ZBTB20: variants seen among roughly 807,000 people sequenced by gnomAD.
The protein encoded by ZBTB20 is zinc finger and BTB domain containing 20, also known as zinc finger and BTB domain-containing protein 20.
Under a neutral mutation model 56.9 loss-of-function variants are expected in ZBTB20, and 9 were observed. The ratio of observed to expected loss-of-function variants is 0.16; its 90% CI spans 0.10 to 0.28. ZBTB20 has a LOEUF of 0.28. Among genes scored for constraint, ZBTB20 ranks in the 10% least tolerant of loss-of-function variants. ZBTB20 has a pLI of 1.00. For synonymous variants in ZBTB20, 417 were observed against 420.7 expected, an observed-to-expected ratio of 0.99 and a Z score of 0.11; for missense variants, 655 against 1,003.0, an observed-to-expected ratio of 0.65 and a Z score of 4.69.
chr3:114,446,529 C>G (rs965935886), intron 7 of ZBTB20, among the ~76,000 whole-genome samples: 27 of 152,278 alleles, frequency 1.8e-4, no homozygotes, highest in Admixed American at 3.3e-4. Flanking sequence ...CCCAGAAAAA[C>G]TCAGATTTTC....
intron 7 of ZBTB20, among the ~76,000 whole-genome samples, chr3:114,470,592 G>T (rs2040012423): frequency 1.3e-5 from 2 of 152,024 alleles, no homozygotes; most frequent in African/African-American, 4.8e-5. Context: ...TACAAGTTGG[G>T]TGTCATTAAT....
intron 7 of ZBTB20, among the ~76,000 whole-genome samples, chr3:114,480,527 A>C (rs1377866139): frequency 6.6e-6 from 1 of 152,212 alleles, no homozygotes; most frequent in Admixed American, 6.5e-5. Flanking sequence ...GCACTGATGC[A>C]CACGTTTGCT....
intron 3 of ZBTB20, among the ~76,000 whole-genome samples, chr3:114,920,915 A>G (rs1480740796): frequency 6.6e-6 from 1 of 152,170 alleles, no homozygotes; most frequent in Non-Finnish European, 1.5e-5. Flanking sequence ...AATTAAAATG[A>G]TAGAACAGAA....
chr3:114,560,215 A>G (rs1354924344), intron 6 of ZBTB20, among the ~76,000 whole-genome samples: 1 of 152,196 alleles, frequency 6.6e-6, no homozygotes. Flanking sequence ...GTATTGCTAC[A>G]GTAAGTAAGA....
chr3:114,576,295 C>T (rs909532568), intron 6 of ZBTB20, among the ~76,000 whole-genome samples: 2 of 151,372 alleles, frequency 1.3e-5, no homozygotes, highest in Admixed American at 6.6e-5. Flanking sequence ...GTCAGGAGAT[C>T]GAGACCATCC....
chr3:114,342,083 G>C (rs983656035), intron 11 of ZBTB20, among the ~76,000 whole-genome samples: 5 of 152,288 alleles, frequency 3.3e-5, no homozygotes, highest in South Asian at 4.1e-4. Context: ...GTGAAGTGTA[G>C]GTATTTCAGA....
chr3:114,828,750 T>A (rs2073686899), intron 4 of ZBTB20, among the ~76,000 whole-genome samples: 3 of 151,856 alleles, frequency 2.0e-5, no homozygotes, highest in Non-Finnish European at 4.4e-5. Context: ...GGGTTGACAG[T>A]AAAATTCTGA....
chr3:114,881,866 A>G (rs542119269), intron 4 of ZBTB20, among the ~76,000 whole-genome samples: 56 of 152,012 alleles, frequency 3.7e-4, no homozygotes, highest in South Asian at 1.9e-3. Flanking sequence ...TTTTGGTTGA[A>G]TCAAAGATGT....
rs138143635 is a variant in ZBTB20, at chr3:114,987,305, T to C, written c.-506-12889A>G. ...TCTCTATGAAACAAGAATCAGGCTT[T>C]TGAGGTCATAAAATGCTTGACCTTC... On this transcript the variant is annotated intron_variant, in intron 2 of 11. Coordinates refer to ENST00000675478, the MANE Select transcript of ZBTB20 (RefSeq NM_001348800.3). 1.6e-4 allele frequency among the ~76,000 whole-genome samples: 24 copies of C among 152,258 alleles called. No homozygotes were observed. In the East Asian group the frequency reaches 3.5e-3, roughly 22 times the overall value.
chr3:114,752,907 T>C (rs536341751), intron 5 of ZBTB20, among the ~76,000 whole-genome samples: 1 of 152,190 alleles, frequency 6.6e-6, no homozygotes, highest in East Asian at 1.9e-4. Flanking sequence ...CTCAGTTCAA[T>C]GAAAAAACCC....
In ZBTB20 at chr3:114,745,536, T is replaced by G. The variant is rs375952125; in HGVS notation, c.-342-51961A>C. On this transcript the variant is annotated intron_variant, in intron 5 of 11. Coordinates refer to ENST00000675478, the MANE Select transcript of ZBTB20 (RefSeq NM_001348800.3). ...TGAATCACCCAAAGATACAATTATC[T>G]CCCTTCCTTTGTTCTGTCTCTTAGT... Among the ~76,000 whole-genome samples the G allele has an allele frequency of 7.9e-5, 12 of 152,244 alleles. No homozygotes were observed. The East Asian group carries it at 2.3e-3, about 29-fold the overall frequency.
chr3:114,844,860 C>CTTTTTTTTTTTTTTTT (rs11396350), intron 4 of ZBTB20, among the ~76,000 whole-genome samples: 3 of 130,438 alleles, frequency 2.3e-5, no homozygotes, highest in South Asian at 2.3e-4. Context: ...TTTTCTTTTT[C>CTTTTTTTTTTTTTTTT]TTTTTTTTTT....
At chr3:114,843,387 A>G (rs1037263552) in intron 4 of ZBTB20, among the ~76,000 whole-genome samples, 3 of 152,156 alleles carry the variant, frequency 2.0e-5, no homozygotes, top group Admixed American at 6.5e-5. Context: ...ACTCTAAGTT[A>G]TATTATCTCC....
intron 2 of ZBTB20, among the ~76,000 whole-genome samples, chr3:115,047,152 G>A (rs749263795): frequency 4.6e-5 from 7 of 152,118 alleles, no homozygotes; most frequent in Non-Finnish European, 7.4e-5. Context: ...GCAATCCTGC[G>A]CATTACTTGT....
At chr3:114,780,355 G>T (rs2069988324) in intron 5 of ZBTB20, among the ~76,000 whole-genome samples, 1 of 152,216 alleles carries the variant, frequency 6.6e-6, no homozygotes, top group South Asian at 2.1e-4. Flanking sequence ...ATAGTAGAAA[G>T]TTGGAAGTGA....
At chr3:115,009,083 T>A (rs1024155826) in intron 2 of ZBTB20, among the ~76,000 whole-genome samples, 1 of 150,708 alleles carries the variant, frequency 6.6e-6, no homozygotes, top group Non-Finnish European at 1.5e-5. Context: ...TTGAACATTA[T>A]CTACTGGGTT....
intron 4 of ZBTB20, among the ~76,000 whole-genome samples, chr3:114,825,364 AT>A: frequency 1.3e-5 from 2 of 151,910 alleles, no homozygotes. Flanking sequence ...ATATTAGCCT[AT>A]TATGCTCCAC....
chr3:114,479,254 G>A (rs752450153), intron 7 of ZBTB20, among the ~76,000 whole-genome samples: 1 of 152,082 alleles, frequency 6.6e-6, no homozygotes, highest in Non-Finnish European at 1.5e-5. Flanking sequence ...TTTTTCTAAG[G>A]AGGTCTTGAA....
At chr3:115,106,023 G>C (rs968600053) in intron 1 of ZBTB20, among the ~76,000 whole-genome samples, 2 of 151,734 alleles carry the variant, frequency 1.3e-5, no homozygotes, top group Non-Finnish European at 2.9e-5. Flanking sequence ...TCACCATGTT[G>C]GTCAGGCTGG....
Sources: allele counts gnomAD v4.1 joint callset (sites outside exome capture counted in the v4.1 genomes callset), GRCh38; gene constraint gnomAD v4.1.1; transcripts MANE v1.5; gene names NCBI Gene and HGNC (gene_info 2026-07-23, HGNC 2026-07-21).